The following CCDC178 variants were observed in gnomAD, a reference collection of about 807,000 sequenced individuals.
CCDC178 encodes the protein coiled-coil domain-containing protein 178.
Under a neutral mutation model 117.4 loss-of-function variants are expected in CCDC178, and 126 were observed. That is an observed-to-expected ratio of 1.07 (90% CI 0.93 to 1.24). The LOEUF (loss-of-function observed/expected upper bound fraction) is 1.24. Ranked by LOEUF, CCDC178 falls within the 50% of genes most tolerant of loss-of-function variation. The pLI is 0.00. For missense variants in CCDC178, 1,030 were observed against 986.9 expected, an observed-to-expected ratio of 1.04 and a Z score of -0.59; for synonymous variants, 283 against 313.4, an observed-to-expected ratio of 0.90 and a Z score of 1.02.
intron 2 of CCDC178, among the ~76,000 whole-genome samples, chr18:33,418,969 GA>G (rs1160828117): frequency 1.3e-5 from 2 of 152,014 alleles, no homozygotes; most frequent in African/African-American, 4.8e-5. Context: ...ATTCTTCACA[GA>G]ATTAGAAAAC....
chr18:33,283,868 G>A (rs556155578), intron 12 of CCDC178, among the ~76,000 whole-genome samples: 1 of 152,250 alleles, frequency 6.6e-6, no homozygotes, highest in Non-Finnish European at 1.5e-5. Context: ...AGACCTAAAG[G>A]CAGCAATACC....
intron 12 of CCDC178, among the ~76,000 whole-genome samples, chr18:33,275,500 C>T (rs2059937348): frequency 6.6e-6 from 1 of 150,572 alleles, no homozygotes; most frequent in Non-Finnish European, 1.5e-5. Flanking sequence ...GGTTCATTTT[C>T]CTTCTAATGG....
intron 22 of CCDC178, among the ~76,000 whole-genome samples, chr18:32,960,531 C>T (rs1248200605): frequency 2.6e-5 from 4 of 152,102 alleles, no homozygotes; most frequent in African/African-American, 9.7e-5. Context: ...ATTCAACTTT[C>T]TTGTCAGGAT....
At chr18:32,995,958 T>C (rs1362650456) in intron 21 of CCDC178, among the ~76,000 whole-genome samples, 1 of 151,792 alleles carries the variant, frequency 6.6e-6, no homozygotes, top group African/African-American at 2.4e-5. Flanking sequence ...TGTCTCTCTC[T>C]ATATTTACAT....
chr18:33,091,346 T>TTTTTTC, intron 21 of CCDC178, among the ~76,000 whole-genome samples: 1 of 123,706 alleles, frequency 8.1e-6, no homozygotes, highest in Non-Finnish European at 1.7e-5. Flanking sequence ...TTTTTTTTTT[T>TTTTTTC]TTTTTTTTGA....
chr18:33,057,147 C>T (rs924490306), intron 21 of CCDC178, among the ~76,000 whole-genome samples: 9 of 152,038 alleles, frequency 5.9e-5, no homozygotes, highest in African/African-American at 1.9e-4. Context: ...AATGACTGAC[C>T]TGGGGGACTA....
chr18:33,046,025 G>T (rs1206935556), intron 21 of CCDC178, among the ~76,000 whole-genome samples: 1 of 152,208 alleles, frequency 6.6e-6, no homozygotes, highest in Admixed American at 6.5e-5. Flanking sequence ...CCAAGATCGT[G>T]CCATTGCACT....
At chr18:32,951,161 TA>T (rs1263448888) in intron 22 of CCDC178, among the ~76,000 whole-genome samples, 14 of 152,358 alleles carry the variant, frequency 9.2e-5, no homozygotes, top group Middle Eastern at 6.8e-3. Flanking sequence ...TATGTTAACC[TA>T]TGCTTGAAGG....
At chr18:33,227,885 G>C (rs2059326292) in intron 15 of CCDC178, among the ~76,000 whole-genome samples, 1 of 152,032 alleles carries the variant, frequency 6.6e-6, no homozygotes, top group Admixed American at 6.6e-5. Context: ...ATGAATTTAT[G>C]CAACAATACG....
At chr18:33,412,560 T>C (rs998136995) in intron 2 of CCDC178, among the ~76,000 whole-genome samples, 1 of 152,144 alleles carries the variant, frequency 6.6e-6, no homozygotes, top group African/African-American at 2.4e-5. Flanking sequence ...TATATCTCCA[T>C]CAACCAATTT....
chr18:33,119,451 C>A (rs934576236), intron 20 of CCDC178, among the ~76,000 whole-genome samples: 5 of 152,212 alleles, frequency 3.3e-5, no homozygotes, highest in Admixed American at 2.0e-4. Context: ...TCATCACTGG[C>A]CATCAGAGAA....
chr18:33,255,836 T>C (rs1484189128), intron 14 of CCDC178, among the ~76,000 whole-genome samples: 2 of 151,984 alleles, frequency 1.3e-5, no homozygotes, highest in Non-Finnish European at 2.9e-5. Context: ...TCAGCTGCTC[T>C]AGGATTCCTG....
intron 9 of CCDC178, among the ~76,000 whole-genome samples, chr18:33,340,816 G>A (rs779795351): frequency 1.3e-5 from 2 of 152,192 alleles, no homozygotes; most frequent in Non-Finnish European, 2.9e-5. Flanking sequence ...GAAATGCCTG[G>A]ATGTCCAGGC....
intron 20 of CCDC178, among the ~76,000 whole-genome samples, chr18:33,205,744 A>C (rs1338893980): frequency 6.6e-6 from 1 of 152,208 alleles, no homozygotes; most frequent in Non-Finnish European, 1.5e-5. Context: ...ACTCAGGCTG[A>C]AATGCAGTGG....
At chr18:33,393,083 C>T (rs536796232) in intron 4 of CCDC178, among the ~76,000 whole-genome samples, 1 of 152,258 alleles carries the variant, frequency 6.6e-6, no homozygotes, top group Admixed American at 6.5e-5. Context: ...AGCAATCAAA[C>T]ACAAAAGAAA....
chr18:33,191,979 T>A (rs1185343591), intron 20 of CCDC178, among the ~76,000 whole-genome samples: 1 of 152,326 alleles, frequency 6.6e-6, no homozygotes, highest in African/African-American at 2.4e-5. Context: ...TTGCACATGT[T>A]CTGTTATATG....
At chr18:33,221,896 T>C (rs986641301) in intron 18 of CCDC178, among the ~76,000 whole-genome samples, 3 of 152,104 alleles carry the variant, frequency 2.0e-5, no homozygotes, top group Non-Finnish European at 4.4e-5. Flanking sequence ...TTAGTAGTAG[T>C]TGGCTTAAAA....
chr18:33,149,246 G>T (rs2058312365), intron 20 of CCDC178, among the ~76,000 whole-genome samples: 1 of 152,102 alleles, frequency 6.6e-6, no homozygotes, highest in African/African-American at 2.4e-5. Flanking sequence ...CTGACTTAGG[G>T]TTTTCTGGAA....
intron 20 of CCDC178, among the ~76,000 whole-genome samples, chr18:33,184,142 A>G (rs889866369): frequency 6.6e-6 from 1 of 152,090 alleles, no homozygotes; most frequent in Admixed American, 6.6e-5. Flanking sequence ...TTTAGTGTAT[A>G]TAATATTTTG....
Sources: gnomAD v4.1 joint callset for allele counts (sites outside exome capture counted in the v4.1 genomes callset) on GRCh38, gnomAD v4.1.1 for gene constraint, MANE v1.5 for transcripts, NCBI Gene and HGNC (gene_info 2026-07-23, HGNC 2026-07-21) for gene names.